The following PLEKHA8 variants were observed in gnomAD, a reference collection of about 807,000 sequenced individuals.
PLEKHA8 encodes the protein pleckstrin homology domain containing A8.
In PLEKHA8, 36 loss-of-function variants were observed where a neutral mutation model predicts 68.2. That is an observed-to-expected ratio of 0.53 (90% CI 0.40 to 0.70). The LOEUF (loss-of-function observed/expected upper bound fraction) is 0.70. Ranked by LOEUF, PLEKHA8 falls within the 30% of genes least tolerant of loss-of-function variation. The pLI, the probability that PLEKHA8 is intolerant of heterozygous loss-of-function variation, is 0.00. For missense variants in PLEKHA8, 505 were observed against 615.4 expected, an observed-to-expected ratio of 0.82 and a Z score of 1.90; for synonymous variants, 211 against 216.1, an observed-to-expected ratio of 0.98 and a Z score of 0.20.
chr7:30,056,751 G>A (rs1345953625), intron 9 of PLEKHA8, among the ~76,000 whole-genome samples: 1 of 102,836 alleles, frequency 9.7e-6, no homozygotes, highest in African/African-American at 4.0e-5. Flanking sequence ...AAGTGTGTGT[G>A]TGTGTGTGTG....
downstream of PLEKHA8, among the ~76,000 whole-genome samples, chr7:30,089,267 A>G (rs1312192453): frequency 2.6e-5 from 4 of 152,164 alleles, no homozygotes; most frequent in Non-Finnish European, 5.9e-5. Context: ...CCACACCACG[A>G]TGGAAAGAAT....
In PLEKHA8 at chr7:30,080,273, C is replaced by G; in HGVS notation, c.*1486C>G. 2.0e-6 allele frequency: 2 copies of G among 985,370 alleles called. No homozygotes were observed. Among genetic ancestry groups the G allele is most frequent in the Non-Finnish European group, 2.4e-6 (2 of 829,904 alleles). 61.0% of individuals were successfully genotyped at this position (985,370 alleles called of 1,614,324 possible). ...GCACAGTGTGATGCTCCAACCCTGGCCCTAGTCTCAGTAGACCATGCTGCC... is the reference window on the plus strand; with the variant it reads ...GCACAGTGTGATGCTCCAACCCTGGGCCTAGTCTCAGTAGACCATGCTGCC... On this transcript the variant is annotated 3_prime_UTR_variant, in exon 14 of 14. Transcript: ENST00000449726.
intron 1 of PLEKHA8, 22 bp from the exon 2 acceptor site, chr7:30,045,063 A>T (rs769154710): frequency 2.0e-6 from 3 of 1,532,562 alleles, no homozygotes; most frequent in East Asian, 4.5e-5. Flanking sequence ...AATTGCAATG[A>T]TGCTCTTGCT....
intron 12 of PLEKHA8, among the ~76,000 whole-genome samples, chr7:30,067,934 G>A (rs1249665011): frequency 3.9e-5 from 6 of 152,198 alleles, no homozygotes; most frequent in African/African-American, 1.4e-4. Flanking sequence ...CAATGTACAC[G>A]TTCCTTTCAC....
intron 13 of PLEKHA8, among the ~76,000 whole-genome samples, chr7:30,115,616 GCA>G (rs1350622597): frequency 2.0e-5 from 3 of 151,362 alleles, no homozygotes; most frequent in Non-Finnish European, 3.0e-5. Context: ...ATTTATACAT[GCA>G]CACATACATG....
At chr7:30,057,788 C>T (rs1485485707) in intron 9 of PLEKHA8, among the ~76,000 whole-genome samples, 1 of 152,176 alleles carries the variant, frequency 6.6e-6, no homozygotes, top group African/African-American at 2.4e-5. Context: ...AATGAAATTG[C>T]TCTAAACATT....
chr7:30,115,700 A>T (rs879900173), intron 13 of PLEKHA8: 1 of 145,292 alleles, frequency 6.9e-6, no homozygotes, highest in Admixed American at 6.8e-5. Context: ...ATACACGTAT[A>T]CATGTATACA....
intron 1 of PLEKHA8, among the ~76,000 whole-genome samples, chr7:30,041,349 A>T (rs1791516221): frequency 6.6e-6 from 1 of 151,376 alleles, no homozygotes; most frequent in Non-Finnish European, 1.5e-5. Flanking sequence ...ATTATAACCT[A>T]CCCTAGGTAA....
intron 13 of PLEKHA8, chr7:30,115,695 C>G (rs376483781): frequency 2.7e-5 from 4 of 146,202 alleles, no homozygotes; most frequent in African/African-American, 7.7e-5. Context: ...CATGCATACA[C>G]GTATACATGT....
Position 30,061,066 on chromosome 7 carries a change from G to A in PLEKHA8, c.1098+124G>A, listed in dbSNP as rs542474438. ...TGTCACTGTTCTTTTAAGAGAGCAA[G>A]CATCTTTCTTCTCACACTGTGAATG... On this transcript the variant is annotated intron_variant, in intron 10 of 13. Transcript: ENST00000449726. 248 of 856,944 alleles carry A rather than the reference G, an allele frequency of 2.9e-4. 2 individuals carry two copies. The South Asian group carries it at 3.7e-3, about 13-fold the overall frequency. The allele number at this position is 856,944 out of a possible 1,614,324, so 53.1% of individuals were successfully genotyped here. A position where few individuals can be genotyped will look rare whatever the true frequency, so the allele number is the denominator to read the frequency against.
At chr7:30,111,761 C>T (rs371505900) in intron 13 of PLEKHA8, among the ~76,000 whole-genome samples, 12 of 151,940 alleles carry the variant, frequency 7.9e-5, no homozygotes, top group East Asian at 1.9e-4. Flanking sequence ...CTGGGACTAC[C>T]GGTGCATGCC....
rs781272625 is a variant in PLEKHA8, at chr7:30,055,278, G to T, written c.975G>T (p.Leu325=). The change falls in exon 9 of 14, where the codon CTG becomes CTT. Residue 325 remains leucine, a synonymous_variant. Coordinates refer to ENST00000449726, the MANE Select transcript of PLEKHA8 (RefSeq NM_001197026.2). ...MNTSFSDIEL[L]EDSGIPTEAF... ...GTAGCTTTAGTGACATTGAACTTCT[G>T]GAAGACAGTGGCATTCCCACAGAAG... 1 of 1,613,950 alleles carries T rather than the reference G, an allele frequency of 6.2e-7. No homozygotes were observed. Among genetic ancestry groups the T allele is most frequent in the Non-Finnish European group, 8.5e-7 (1 of 1,179,990 alleles).
intron 9 of PLEKHA8, among the ~76,000 whole-genome samples, chr7:30,056,771 GTGTGTGTGTGTGTGTATATATATATGTTA>G (rs1437087535): frequency 3.7e-5 from 5 of 133,612 alleles, no homozygotes; most frequent in Non-Finnish European, 7.9e-5. Context: ...GTGTGTGTGT[GTGTGTGTGTGTGTGTATATATATATGTTA>G]TGTGTATATA....
At chr7:30,037,986 A>C (rs1223646145) in intron 1 of PLEKHA8, among the ~76,000 whole-genome samples, 1 of 152,130 alleles carries the variant, frequency 6.6e-6, no homozygotes, top group African/African-American at 2.4e-5. Flanking sequence ...AATATGTTAA[A>C]TTTTTAATTG....
At chr7:30,054,431 T>C (rs1231665318) in intron 7 of PLEKHA8, among the ~76,000 whole-genome samples, 1 of 152,194 alleles carries the variant, frequency 6.6e-6, no homozygotes, top group African/African-American at 2.4e-5. Flanking sequence ...ATGGATATGA[T>C]ACAATATAAC....
chr7:30,117,753 C>T (rs956735306), intron 13 of PLEKHA8, among the ~76,000 whole-genome samples: 2 of 152,054 alleles, frequency 1.3e-5, no homozygotes, highest in Admixed American at 6.6e-5. Flanking sequence ...TGATTTACAA[C>T]TGCCAGAATT....
intron 1 of PLEKHA8, among the ~76,000 whole-genome samples, chr7:30,030,254 T>C (rs1244983327): frequency 6.6e-6 from 1 of 152,232 alleles, no homozygotes; most frequent in Non-Finnish European, 1.5e-5. Context: ...ACATTCTTCT[T>C]TTTTTCCCAT....
chr7:30,115,818 ATACATG>A (rs1562557962), intron 13 of PLEKHA8: 20 of 136,936 alleles, frequency 1.5e-4, no homozygotes, highest in African/African-American at 5.9e-4. Context: ...GCATGCATGT[ATACATG>A]CGTGCACATA....
At chr7:30,063,514 T>C (rs1793603565) in intron 12 of PLEKHA8, among the ~76,000 whole-genome samples, 1 of 152,138 alleles carries the variant, frequency 6.6e-6, no homozygotes, top group Non-Finnish European at 1.5e-5. Context: ...AACTGTGACA[T>C]AAACTAATTA....
Sources: gnomAD v4.1 joint callset for allele counts (sites outside exome capture counted in the v4.1 genomes callset) on GRCh38, gnomAD v4.1.1 for gene constraint, MANE v1.5 for transcripts, NCBI Gene and HGNC (gene_info 2026-07-23, HGNC 2026-07-21) for gene names.